Variants in EPHA5 observed in about 807,000 individuals in gnomAD.
EPHA5 encodes EPH receptor A5.
In EPHA5, 60 loss-of-function variants were observed where a neutral mutation model predicts 105.0. The observed-to-expected ratio is 0.57, with a 90% CI of 0.46 to 0.71. EPHA5 has a LOEUF of 0.71. Among genes scored for constraint, EPHA5 ranks in the 30% least tolerant of loss-of-function variants. EPHA5 has a pLI of 0.00. For synonymous variants in EPHA5, 513 were observed against 449.1 expected, an observed-to-expected ratio of 1.14 and a Z score of -1.80; for missense variants, 1,218 against 1,274.7, an observed-to-expected ratio of 0.96 and a Z score of 0.68.
chr4:65,366,046 C>A lies in EPHA5; in HGVS notation c.1873G>T (p.Gly625Ter). 1 of 1,596,192 alleles carries A rather than the reference C, an allele frequency of 6.3e-7. No homozygotes were observed. Among genetic ancestry groups the A allele is most frequent in the Non-Finnish European group, 8.6e-7 (1 of 1,167,292 alleles). Residue 625 changes from glycine (G) to a stop codon, truncating the protein, a stop_gained, in exon 10 of 17, where the codon GGA becomes TGA. Coordinates refer to ENST00000613740, the MANE Select transcript of EPHA5 (RefSeq NM_001281766.3). LOFTEE classifies it high-confidence loss of function. ...TGTGGATCAATGTAAGTTCTTACTC[C>A]TGGCAGTTTAACTGTAAATATAAAT... Reference protein sequence around the residue: ...HFHNGHIKLPGVRTYIDPHTY... With the variant: ...HFHNGHIKLP
At chr4:65,560,179 A>G (rs1215557404) in intron 3 of EPHA5, among the ~76,000 whole-genome samples, 1 of 152,172 alleles carries the variant, frequency 6.6e-6, no homozygotes, top group African/African-American at 2.4e-5. Flanking sequence ...ACTCCCCAAC[A>G]CTTTCAGGAG....
intron 1 of EPHA5, among the ~76,000 whole-genome samples, chr4:65,665,471 C>G (rs939393181): frequency 3.9e-5 from 6 of 152,042 alleles, no homozygotes; most frequent in Non-Finnish European, 5.9e-5. Flanking sequence ...TACAAAAACA[C>G]ATACTCTAAG....
chr4:65,499,586 C>T (rs574521890), intron 3 of EPHA5, among the ~76,000 whole-genome samples: 16 of 151,546 alleles, frequency 1.1e-4, no homozygotes, highest in Non-Finnish European at 1.8e-4. Flanking sequence ...ACTCACTTCT[C>T]AGCAATATTT....
chr4:65,362,208 G>A (rs113418457), intron 11 of EPHA5, among the ~76,000 whole-genome samples: 1,785 of 150,216 alleles, frequency 0.012, 47 homozygotes, highest in African/African-American at 0.041. Flanking sequence ...GAAGGCTCAC[G>A]ATGACACCAC....
rs76580338 is a variant in EPHA5 at position 65,570,639 on chromosome 4, A to G, written c.910+31002T>C. Among the ~76,000 whole-genome samples, 829 of 152,028 alleles carry G rather than the reference A, an allele frequency of 5.5e-3. 8 individuals carry two copies. Among genetic ancestry groups the G allele is most frequent in the African/African-American group, 0.019 (795 of 41,506 alleles). On this transcript the variant is annotated intron_variant, in intron 3 of 16. Coordinates refer to ENST00000613740, the MANE Select transcript of EPHA5 (RefSeq NM_001281766.3). ...ATACGATGAAGAGCAGTGAAAGTAG[A>G]GAGATGACTCTTTCAGGTGGAAGTA...
chr4:65,470,049 C>A (rs989932248), intron 5 of EPHA5, among the ~76,000 whole-genome samples: 2 of 152,068 alleles, frequency 1.3e-5, no homozygotes, highest in African/African-American at 4.8e-5. Context: ...TAATGTGATA[C>A]CCTAACAAAA....
chr4:65,456,128 C>G (rs1482761745), intron 5 of EPHA5, among the ~76,000 whole-genome samples: 1 of 152,152 alleles, frequency 6.6e-6, no homozygotes, highest in African/African-American at 2.4e-5. Context: ...GTATGAATAA[C>G]TAGTTCGCAA....
At chr4:65,360,819 ATTTC>A (rs1287114075) in intron 11 of EPHA5, among the ~76,000 whole-genome samples, 1 of 151,528 alleles carries the variant, frequency 6.6e-6, no homozygotes, top group Non-Finnish European at 1.5e-5. Context: ...CACTATTTTA[ATTTC>A]TTTCTTTTTT....
chr4:65,463,279 T>A (rs918461914), intron 5 of EPHA5, among the ~76,000 whole-genome samples: 15 of 152,150 alleles, frequency 9.9e-5, no homozygotes, highest in African/African-American at 3.1e-4. Flanking sequence ...AATAGTGACA[T>A]TCACAAGGTA....
At chr4:65,525,431 AT>A (rs547788827) in intron 3 of EPHA5, among the ~76,000 whole-genome samples, 2 of 151,890 alleles carry the variant, frequency 1.3e-5, no homozygotes, top group South Asian at 4.1e-4. Context: ...AGGCTGGAAC[AT>A]TTTCATACAA....
At position 65,319,835 on chromosome 4, in the gene EPHA5, T is replaced by C; in HGVS notation, c.*4279A>G. The C allele has an allele frequency of 4.4e-6, 1 of 229,522 alleles. No individual in the cohort carries two copies. The highest frequency in any genetic ancestry group is 8.6e-6 in the Non-Finnish European group (1 of 115,636). 14.2% of individuals were successfully genotyped at this position (229,522 alleles called of 1,614,324 possible). On this transcript the variant is annotated 3_prime_UTR_variant, in exon 17 of 17. Transcript: ENST00000613740. ...AACAAATGACTGAGTCTAAGTATTC[T>C]CAGGCTCTTATAAATGTAACTACTC...
intron 1 of EPHA5, among the ~76,000 whole-genome samples, chr4:65,653,349 C>T (rs1205949764): frequency 6.6e-6 from 1 of 151,884 alleles, no homozygotes; most frequent in Non-Finnish European, 1.5e-5. Flanking sequence ...TAATGTAAAC[C>T]CTACATAATG....
intron 3 of EPHA5, among the ~76,000 whole-genome samples, chr4:65,586,095 C>T (rs1214924840): frequency 6.6e-6 from 1 of 151,300 alleles, no homozygotes; most frequent in Admixed American, 6.6e-5. Context: ...GTCAAATTTT[C>T]CTTAATTATT....
intron 8 of EPHA5, among the ~76,000 whole-genome samples, chr4:65,383,251 A>G (rs1030688571): frequency 6.6e-6 from 1 of 151,070 alleles, no homozygotes; most frequent in Admixed American, 6.6e-5. Flanking sequence ...ACACACATAT[A>G]CATTAATCAG....
intron 5 of EPHA5, among the ~76,000 whole-genome samples, chr4:65,438,029 T>C (rs1025250453): frequency 6.6e-6 from 1 of 151,972 alleles, no homozygotes; most frequent in South Asian, 2.1e-4. Flanking sequence ...TTTATCTGCT[T>C]ATACAGCATC....
intron 16 of EPHA5, chr4:65,331,577 G>A: frequency 1.3e-5 from 14 of 1,059,886 alleles, no homozygotes; most frequent in Non-Finnish European, 1.6e-5. Context: ...GTACAAATAT[G>A]TTTGGTCCTT....
intron 5 of EPHA5, among the ~76,000 whole-genome samples, chr4:65,478,960 A>G (rs1195546338): frequency 2.0e-5 from 3 of 152,124 alleles, no homozygotes; most frequent in Non-Finnish European, 4.4e-5. Flanking sequence ...TATCTGTAGA[A>G]TCATGGTCCT....
At chr4:65,413,584 A>G (rs1345116047) in intron 7 of EPHA5, among the ~76,000 whole-genome samples, 1 of 152,138 alleles carries the variant, frequency 6.6e-6, no homozygotes, top group Non-Finnish European at 1.5e-5. Flanking sequence ...AAATACACAC[A>G]CACACAGACA....
At chr4:65,625,550 C>A (rs576826079) in intron 2 of EPHA5, among the ~76,000 whole-genome samples, 1 of 152,180 alleles carries the variant, frequency 6.6e-6, no homozygotes, top group African/African-American at 2.4e-5. Flanking sequence ...TCTCTCATTT[C>A]TCCTATGAAG....
Sources: allele counts gnomAD v4.1 joint callset (sites outside exome capture counted in the v4.1 genomes callset), GRCh38; gene constraint gnomAD v4.1.1; transcripts MANE v1.5; gene names NCBI Gene and HGNC (gene_info 2026-07-23, HGNC 2026-07-21).